Variants in LDB2 observed in about 807,000 individuals in gnomAD.
LDB2 encodes the protein LIM domain binding 2, also known as LIM domain-binding protein 2.
A neutral mutation model predicts 44.3 loss-of-function variants in LDB2; 12 were observed. The observed-to-expected ratio is 0.27, with a 90% CI of 0.17 to 0.44. LDB2 has a LOEUF of 0.44. LDB2 is among the 20% of genes least tolerant of loss of function. The pLI is 1.00. For missense variants in LDB2, 344 were observed against 473.5 expected (o/e 0.73, Z 2.54); for synonymous variants, 164 against 174.8 (o/e 0.94, Z 0.49).
At chr4:16,824,058 G>A (rs1483476430) in intron 1 of LDB2, among the ~76,000 whole-genome samples, 1 of 152,202 alleles carries the variant, frequency 6.6e-6, no homozygotes, top group Non-Finnish European at 1.5e-5. Context: ...CACAGAGGCA[G>A]GCAAATTTAG....
intron 2 of LDB2, among the ~76,000 whole-genome samples, chr4:16,658,820 A>C (rs1006064822): frequency 6.6e-6 from 1 of 152,134 alleles, no homozygotes; most frequent in Admixed American, 6.5e-5. Context: ...TGAGGGGTGT[A>C]TCTTTAGCTC....
At chr4:16,693,185 A>G (rs1264844872) in intron 2 of LDB2, among the ~76,000 whole-genome samples, 1 of 152,090 alleles carries the variant, frequency 6.6e-6, no homozygotes, top group Non-Finnish European at 1.5e-5. Context: ...GTGTGAATCA[A>G]AGGCCTTTAT....
intron 2 of LDB2, among the ~76,000 whole-genome samples, chr4:16,704,933 C>A (rs564619740): frequency 1.2e-4 from 19 of 152,258 alleles, no homozygotes; most frequent in African/African-American, 4.6e-4. Context: ...TCCTCTAGGT[C>A]TATGATTACA....
intron 2 of LDB2, among the ~76,000 whole-genome samples, chr4:16,680,260 A>G (rs1747473201): frequency 6.6e-6 from 1 of 152,202 alleles, no homozygotes. Flanking sequence ...AATATTTTTC[A>G]GTTGTTTAAA....
At chr4:16,571,725 C>T (rs1387961373) in intron 5 of LDB2, among the ~76,000 whole-genome samples, 1 of 152,206 alleles carries the variant, frequency 6.6e-6, no homozygotes, top group East Asian at 1.9e-4. Flanking sequence ...AACTTTGTGC[C>T]TTGCCCTGGT....
chr4:16,780,914 G>T (rs1022640218), intron 1 of LDB2, among the ~76,000 whole-genome samples: 3 of 151,938 alleles, frequency 2.0e-5, no homozygotes, highest in African/African-American at 7.3e-5. Context: ...TAAAGTTTAG[G>T]GCTTAGACTT....
At chr4:16,523,890 G>T (rs558238466) in intron 5 of LDB2, among the ~76,000 whole-genome samples, 24 of 152,182 alleles carry the variant, frequency 1.6e-4, no homozygotes, top group Non-Finnish European at 3.2e-4. Context: ...AAAACCATAG[G>T]TAAGAAAGAC....
chr4:16,517,980 CA>C (rs1268524482), intron 5 of LDB2, among the ~76,000 whole-genome samples: 1 of 152,096 alleles, frequency 6.6e-6, no homozygotes, highest in Non-Finnish European at 1.5e-5. Flanking sequence ...TAATGACAGA[CA>C]AATCAGGCAT....
chr4:16,668,857 G>C (rs1042496092), intron 2 of LDB2, among the ~76,000 whole-genome samples: 1 of 152,064 alleles, frequency 6.6e-6, no homozygotes, highest in Non-Finnish European at 1.5e-5. Flanking sequence ...CTCCTCTAAG[G>C]GTGACTCCCC....
intron 1 of LDB2, among the ~76,000 whole-genome samples, chr4:16,845,349 C>T (rs576208831): frequency 3.9e-5 from 6 of 152,286 alleles, no homozygotes; most frequent in Non-Finnish European, 7.4e-5. Context: ...ATCCCATGGC[C>T]GCCCCTGTTT....
chr4:16,571,507 G>A (rs190622733), intron 5 of LDB2, among the ~76,000 whole-genome samples: 205 of 151,034 alleles, frequency 1.4e-3, no homozygotes, highest in African/African-American at 4.6e-3. Flanking sequence ...CCAGGTCTTT[G>A]ATCCAGATCT....
intron 1 of LDB2, among the ~76,000 whole-genome samples, chr4:16,805,605 G>A (rs951442300): frequency 6.6e-6 from 1 of 152,202 alleles, no homozygotes; most frequent in African/African-American, 2.4e-5. Flanking sequence ...AAGCTGATGG[G>A]TATGAGGGAA....
intron 2 of LDB2, 86 bp downstream of exon 2, chr4:16,759,072 A>C (rs1579396606): frequency 1.5e-5 from 12 of 804,150 alleles, no homozygotes; most frequent in Admixed American, 4.1e-5. Flanking sequence ...TCAGGCTGTC[A>C]GCTCTGTGCT....
intron 2 of LDB2, among the ~76,000 whole-genome samples, chr4:16,716,625 T>C (rs748411428): frequency 6.6e-6 from 1 of 152,162 alleles, no homozygotes; most frequent in Non-Finnish European, 1.5e-5. Flanking sequence ...TGAAATTTTA[T>C]CCATATAAAC....
chr4:16,831,694 G>A (rs1272394185), intron 1 of LDB2, among the ~76,000 whole-genome samples: 1 of 152,202 alleles, frequency 6.6e-6, no homozygotes, highest in Non-Finnish European at 1.5e-5. Context: ...AAAGGTGCTA[G>A]TTTCTTTTTT....
intron 2 of LDB2, among the ~76,000 whole-genome samples, chr4:16,681,247 T>C (rs1747765393): frequency 6.6e-6 from 1 of 152,188 alleles, no homozygotes; most frequent in Admixed American, 6.5e-5. Context: ...CCTGACTGGA[T>C]AAAGGGGATG....
chr4:16,535,722 A>G (rs1731603016), intron 5 of LDB2, among the ~76,000 whole-genome samples: 1 of 152,236 alleles, frequency 6.6e-6, no homozygotes, highest in African/African-American at 2.4e-5. Context: ...AGTAGCACTT[A>G]CTGAATGCTT....
chr4:16,633,894 G>A (rs1191209404), intron 2 of LDB2, among the ~76,000 whole-genome samples: 1 of 152,160 alleles, frequency 6.6e-6, no homozygotes, highest in Middle Eastern at 3.2e-3. Flanking sequence ...AAAACAGCAT[G>A]GTGCTGGTAC....
intron 1 of LDB2, among the ~76,000 whole-genome samples, chr4:16,802,367 TC>T (rs1248489752): frequency 6.6e-6 from 1 of 152,128 alleles, no homozygotes; most frequent in Non-Finnish European, 1.5e-5. Flanking sequence ...GCAAAAGCAA[TC>T]CCAGAAAAAG....
Sources: allele counts gnomAD v4.1 joint callset (sites outside exome capture counted in the v4.1 genomes callset), GRCh38; gene constraint gnomAD v4.1.1; transcripts MANE v1.5; gene names NCBI Gene and HGNC (gene_info 2026-07-23, HGNC 2026-07-21).